TAL1: variants seen among roughly 807,000 people sequenced by gnomAD.
TAL1 encodes T-cell acute lymphocytic leukemia protein 1.
In TAL1, 8 loss-of-function variants were observed where a neutral mutation model predicts 17.9. The observed-to-expected ratio is 0.45, with a 90% confidence interval of 0.26 to 0.81. TAL1 has a LOEUF of 0.81. Among genes scored for constraint, TAL1 ranks in the 30% least tolerant of loss-of-function variants. The probability of loss-of-function intolerance (pLI) is 0.17; values close to 1 mark genes in which losing one functional copy is unlikely to be tolerated. For missense variants in TAL1, 466 were observed against 486.9 expected (o/e 0.96, Z 0.40); for synonymous variants, 223 against 218.6 (o/e 1.02, Z -0.18).
At chr1:47,226,042 A>T in intron 1 of TAL1, 153 bp from the exon 3 acceptor site, 1 of 280,004 alleles carries the variant, frequency 3.6e-6, no homozygotes. Context: ...ACGTGGGGCT[A>T]GGGCGGGAGG....
upstream of TAL1, chr1:47,230,605 T>C (rs1643994230): frequency 1.3e-5 from 2 of 152,062 alleles, no homozygotes; most frequent in South Asian, 4.1e-4. Flanking sequence ...CTCTCCATTT[T>C]CTCTTCCTAC....
intron 3 of TAL1, among the ~76,000 whole-genome samples, chr1:47,222,758 A>T (rs1643843086): frequency 6.6e-6 from 1 of 151,988 alleles, no homozygotes; most frequent in South Asian, 2.1e-4. Flanking sequence ...GCCAGCACTG[A>T]GTAGGTGCTC....
At chr1:47,230,344 A>G (rs1408148180), upstream of TAL1, 1 of 152,226 alleles carries the variant, frequency 6.6e-6, no homozygotes, top group East Asian at 1.9e-4. Flanking sequence ...ATGATCACAC[A>G]TCGAAGTCTT....
chr1:47,229,673 T>C (rs1372863684), exon 1 of TAL1: 2 of 152,890 alleles, frequency 1.3e-5, no homozygotes. Context: ...GGGATCGGTC[T>C]GGTTCAGTGT....
chr1:47,219,599 G>A lies in TAL1; in HGVS notation c.*121C>T, dbSNP rs561016096. ...AGGCTTCCCAAAGTTCAGACATCCA[G>A]GAAAGTTCAAGTCCACCGCCTTGCT... On this transcript the variant is annotated 3_prime_UTR_variant, in exon 4 of 4. Transcript: ENST00000294339. 391 of 1,468,690 alleles carry A rather than the reference G, an allele frequency of 2.7e-4. 3 individuals carry two copies. In the Middle Eastern group the frequency reaches 3.6e-3, roughly 13 times the overall value. 91.0% of individuals were successfully genotyped at this position (1,468,690 alleles called of 1,614,324 possible). A position where few individuals can be genotyped will look rare whatever the true frequency, so the allele number is the denominator to read the frequency against.
chr1:47,225,706 C>A, exon 2 of TAL1: 1 of 1,457,096 alleles, frequency 6.9e-7, no homozygotes, highest in South Asian at 1.3e-5. Flanking sequence ...CAGGGCCGCC[C>A]CCCGGGCCTC....
chr1:47,226,575 T>C (rs1008280102), intron 1 of TAL1, among the ~76,000 whole-genome samples: 1 of 152,152 alleles, frequency 6.6e-6, no homozygotes, highest in African/African-American at 2.4e-5. Context: ...TGAGGGAGTG[T>C]CTGTCTACAC....
exon 3 of TAL1, chr1:47,224,024 T>G (rs117709229): frequency 2.5e-6 from 4 of 1,613,756 alleles, no homozygotes; most frequent in Non-Finnish European, 3.4e-6. Context: ...CTCCATCTCA[T>G]AGGGGGAAGG....
intron 1 of TAL1, among the ~76,000 whole-genome samples, chr1:47,226,724 C>A (rs1175725720): frequency 6.6e-6 from 1 of 152,206 alleles, no homozygotes; most frequent in African/African-American, 2.4e-5. Flanking sequence ...CTCAGCTGGA[C>A]TCTGAAGTGA....
At chr1:47,221,747 T>G (rs1392004047) in intron 3 of TAL1, among the ~76,000 whole-genome samples, 1 of 152,174 alleles carries the variant, frequency 6.6e-6, no homozygotes, top group East Asian at 1.9e-4. Context: ...ATTTTATAGC[T>G]AAGGAGACTG....
chr1:47,232,239 C>A, upstream of TAL1: 1 of 173,728 alleles, frequency 5.8e-6, no homozygotes, highest in South Asian at 1.7e-4. Context: ...CCGGCCCCTC[C>A]CGCGGCCCCC....
At chr1:47,217,630 C>T (rs1645523461) in exon 4 of TAL1, 1 of 398,620 alleles carries the variant, frequency 2.5e-6, no homozygotes, top group Admixed American at 4.4e-5. Context: ...TCAGTCCACA[C>T]CATAGCCCTA....
chr1:47,218,947 T>C (rs1438184204), exon 4 of TAL1: 1 of 265,960 alleles, frequency 3.8e-6, no homozygotes. Flanking sequence ...CTACTATCAT[T>C]GTCCCTTTCT....
intron 3 of TAL1, among the ~76,000 whole-genome samples, chr1:47,221,764 G>A (rs1643812801): frequency 6.6e-6 from 1 of 152,152 alleles, no homozygotes; most frequent in Non-Finnish European, 1.5e-5. Flanking sequence ...ACTGAGGCTG[G>A]GATGGAAGCA....
upstream of TAL1, chr1:47,232,235 C>A (rs1302239842): frequency 5.7e-6 from 1 of 175,620 alleles, no homozygotes. Flanking sequence ...CGGCCCGGCC[C>A]CTCCCGCGGC....
chr1:47,224,404 ACACAC>A (rs1209412905), intron 2 of TAL1, among the ~76,000 whole-genome samples: 1 of 5,058 alleles, frequency 2.0e-4, no homozygotes, highest in Non-Finnish European at 5.1e-4. Flanking sequence ...ACAAAAATGA[ACACAC>A]ACACACACAC....
chr1:47,221,680 A>G (rs1462747747), intron 3 of TAL1, among the ~76,000 whole-genome samples: 2 of 152,172 alleles, frequency 1.3e-5, no homozygotes, highest in East Asian at 3.9e-4. Flanking sequence ...CAGACCTCAG[A>G]GTGTGAAAAC....
At chr1:47,224,963 C>T (rs888740858) in intron 2 of TAL1, among the ~76,000 whole-genome samples, 1 of 152,208 alleles carries the variant, frequency 6.6e-6, no homozygotes, top group African/African-American at 2.4e-5. Context: ...GGTGCCTCTG[C>T]CACCACCCTC....
chr1:47,231,572 A>G (rs186873779), upstream of TAL1: 62 of 233,542 alleles, frequency 2.7e-4, no homozygotes, highest in Admixed American at 9.6e-4. Flanking sequence ...CGGACACACA[A>G]TCCAGCACAG....
Sources: gnomAD v4.1 joint callset for allele counts (sites outside exome capture counted in the v4.1 genomes callset) on GRCh38, gnomAD v4.1.1 for gene constraint, MANE v1.5 for transcripts, NCBI Gene and HGNC (gene_info 2026-07-23, HGNC 2026-07-21) for gene names.